Variants in C5 observed in about 807,000 individuals in gnomAD.
The protein encoded by C5 is complement C5, also known as C3 and PZP-like alpha-2-macroglobulin domain-containing protein 4.
A neutral mutation model predicts 218.8 loss-of-function variants in C5; 140 were observed. The observed-to-expected ratio is 0.64, with a 90% CI of 0.56 to 0.74. The LOEUF (loss-of-function observed/expected upper bound fraction) is 0.74, where lower values mean the gene tolerates loss of function less well. Ranked by LOEUF, C5 falls within the 30% of genes least tolerant of loss-of-function variation. C5 has a pLI of 0.00. For missense variants in C5, 1,700 were observed against 1,969.6 expected (o/e 0.86, Z 2.59); for synonymous variants, 614 against 682.3 (o/e 0.90, Z 1.56).
chr9:121,046,637 C>T (rs2047629972), intron 1 of C5, among the ~76,000 whole-genome samples: 1 of 152,180 alleles, frequency 6.6e-6, no homozygotes, highest in Non-Finnish European at 1.5e-5. Context: ...GCAGCACTTT[C>T]TCTTAGCTAC....
chr9:120,985,248 T>G (rs1352485794), intron 25 of C5, among the ~76,000 whole-genome samples: 1 of 152,216 alleles, frequency 6.6e-6, no homozygotes, highest in Non-Finnish European at 1.5e-5. Context: ...GTAGGCTATT[T>G]GATTTGCTTT....
At position 120,989,730 on chromosome 9, in the gene C5, T is replaced by A. The variant is rs772374367; in HGVS notation, c.2992A>T (p.Asn998Tyr). ...CCTTTGGGGAGGTGGGTTAGGATAT[T>A]GATGCCTTCCTGACTTAGAACTGCA... is the stretch of plus-strand genomic sequence containing the variant. ...LSAVLSQEGINILTHLPKGSA... is the reference protein window; with the variant it reads ...LSAVLSQEGIYILTHLPKGSA... Residue 998 changes from asparagine to tyrosine, a missense_variant, in exon 24 of 41, where the codon AAT becomes TAT. By Grantham distance (143) the Asn-to-Tyr change is moderately radical. Coordinates refer to ENST00000223642, the MANE Select transcript of C5 (RefSeq NM_001735.3). The A allele has an allele frequency of 1.2e-6, 2 of 1,614,144 alleles. No individual in the cohort carries two copies. The highest frequency in any genetic ancestry group is 1.7e-6 in the Non-Finnish European group (2 of 1,180,026).
intron 1 of C5, among the ~76,000 whole-genome samples, chr9:121,047,058 C>CA (rs1331861223): frequency 4.6e-5 from 7 of 152,116 alleles, no homozygotes; most frequent in African/African-American, 1.7e-4. Flanking sequence ...CCTTTAAGAG[C>CA]AAATCATCAT....
intron 19 of C5, 89 bp from the exon 20 acceptor site, chr9:121,006,147 C>A: frequency 7.6e-7 from 1 of 1,315,072 alleles, no homozygotes; most frequent in South Asian, 1.2e-5. Context: ...ATTTGCTTTA[C>A]TTCAAGGAAA....
the C5 span, among the ~76,000 whole-genome samples, chr9:121,062,344 A>ATAAAAAACAAGCTCAAGTGG: frequency 6.6e-6 from 1 of 152,136 alleles, no homozygotes; most frequent in Non-Finnish European, 1.5e-5. Context: ...GACTTCATTT[A>ATAAAAAACAAGCTCAAGTGG]TAAAAAACAA....
At chr9:121,044,948 C>CTTTT (rs1158658235) in intron 2 of C5, among the ~76,000 whole-genome samples, 8 of 127,794 alleles carry the variant, frequency 6.3e-5, no homozygotes, top group East Asian at 2.3e-4. Flanking sequence ...GTAACACTTT[C>CTTTT]TTTTTTTTTT....
chr9:121,027,823 C>A (rs1227617280), intron 7 of C5, among the ~76,000 whole-genome samples: 1 of 152,114 alleles, frequency 6.6e-6, no homozygotes. Context: ...GCAATGGCAA[C>A]AAAAGCCAAA....
At chr9:121,044,948 CTTT>C (rs1158658235) in intron 2 of C5, among the ~76,000 whole-genome samples, 5 of 127,800 alleles carry the variant, frequency 3.9e-5, no homozygotes, top group East Asian at 2.3e-4. Flanking sequence ...GTAACACTTT[CTTT>C]TTTTTTTTTT....
chr9:120,996,162 A>G (rs1261406055), intron 22 of C5, 78 bp downstream of exon 22: 6 of 1,096,824 alleles, frequency 5.5e-6, no homozygotes, highest in South Asian at 2.5e-5. Context: ...TTTCTGAAAA[A>G]TAGTGTTTTA....
At chr9:121,018,627 AAGGG>A (rs1366964638) in intron 12 of C5, among the ~76,000 whole-genome samples, 12 of 106,566 alleles carry the variant, frequency 1.1e-4, no homozygotes, top group South Asian at 9.2e-4. Context: ...GGCAAGAAAG[AAGGG>A]AGGGAGGGAG....
At chr9:120,988,017 T>G (rs2047047156) in intron 25 of C5, among the ~76,000 whole-genome samples, 1 of 152,182 alleles carries the variant, frequency 6.6e-6, no homozygotes, top group Admixed American at 6.5e-5. Flanking sequence ...GGTCTCGATC[T>G]CTTGACCTCA....
intron 1 of C5, 38 bp from the exon 2 acceptor site, chr9:121,046,421 T>C: frequency 7.2e-7 from 1 of 1,390,776 alleles, no homozygotes; most frequent in Non-Finnish European, 1.0e-6. Flanking sequence ...AATGTCTTTA[T>C]ATGACATATT....
intron 23 of C5, 27 bp from the exon 24 acceptor site, chr9:120,989,807 A>C (rs759241476): frequency 2.6e-6 from 4 of 1,562,474 alleles, no homozygotes; most frequent in Non-Finnish European, 3.5e-6. Context: ...CAAAGTAGAC[A>C]CATTGCTTTT....
At chr9:121,031,449 A>G (rs548488958) in intron 6 of C5, among the ~76,000 whole-genome samples, 2 of 152,272 alleles carry the variant, frequency 1.3e-5, no homozygotes, top group African/African-American at 4.8e-5. Flanking sequence ...ACTGGGTTCC[A>G]CTCACCTCAT....
chr9:121,065,645 C>T, the C5 span, among the ~76,000 whole-genome samples: 8 of 151,784 alleles, frequency 5.3e-5, no homozygotes, highest in African/African-American at 1.9e-4. Context: ...GCCACCACAC[C>T]TGGCTAATTT....
the C5 span, among the ~76,000 whole-genome samples, chr9:121,067,324 A>G: frequency 6.6e-6 from 1 of 151,960 alleles, no homozygotes; most frequent in Non-Finnish European, 1.5e-5. Flanking sequence ...ACACTTTGAG[A>G]GGCCAAGGTG....
intron 25 of C5, among the ~76,000 whole-genome samples, chr9:120,987,673 T>C (rs1198068275): frequency 1.4e-5 from 2 of 147,138 alleles, no homozygotes; most frequent in Admixed American, 1.4e-4. Flanking sequence ...AAGAAAAAAA[T>C]CTAAAATTAA....
At chr9:121,061,978 G>C in the C5 span, among the ~76,000 whole-genome samples, 5 of 152,170 alleles carry the variant, frequency 3.3e-5, no homozygotes, top group African/African-American at 1.2e-4. Flanking sequence ...TCATATTCAA[G>C]GTACACATAA....
intron 33 of C5, among the ~76,000 whole-genome samples, chr9:120,965,818 C>A (rs1796273958): frequency 6.6e-6 from 1 of 152,160 alleles, no homozygotes; most frequent in African/African-American, 2.4e-5. Flanking sequence ...TGGAGAGTGT[C>A]TATGAAAAGG....
Sources: gnomAD v4.1 joint callset for allele counts (sites outside exome capture counted in the v4.1 genomes callset) on GRCh38, gnomAD v4.1.1 for gene constraint, MANE v1.5 for transcripts, NCBI Gene and HGNC (gene_info 2026-07-23, HGNC 2026-07-21) for gene names.